Variants in ERBIN observed in about 807,000 individuals in gnomAD.
ERBIN encodes erbb2 interacting protein.
A neutral mutation model predicts 158.4 loss-of-function variants in ERBIN; 60 were observed. The observed-to-expected ratio is 0.38, with a 90% CI of 0.31 to 0.47. The LOEUF is 0.47. ERBIN is among the 20% of genes least tolerant of loss of function. The pLI, the probability that ERBIN is intolerant of heterozygous loss-of-function variation, is 0.99. For missense variants in ERBIN, 1,610 were observed against 1,648.0 expected (o/e 0.98, Z 0.40); for synonymous variants, 594 against 557.2 (o/e 1.07, Z -0.93).
intron 1 of ERBIN, among the ~76,000 whole-genome samples, chr5:65,970,511 ATATATTC>A (rs1444325462): frequency 6.6e-6 from 1 of 152,196 alleles, no homozygotes; most frequent in African/African-American, 2.4e-5. Flanking sequence ...ACTTTGGTTT[ATATATTC>A]TATTCTGTCC....
At chr5:65,986,203 CT>C (rs1473236561) in intron 1 of ERBIN, among the ~76,000 whole-genome samples, 2 of 152,204 alleles carry the variant, frequency 1.3e-5, no homozygotes, top group Non-Finnish European at 2.9e-5. Context: ...CTCTGAATGC[CT>C]ATATCCAGCT....
intron 1 of ERBIN, among the ~76,000 whole-genome samples, chr5:65,950,370 C>T (rs1437692532): frequency 6.6e-6 from 1 of 152,116 alleles, no homozygotes. Flanking sequence ...TTGAAGAGTA[C>T]TGGTTGGATA....
chr5:65,976,836 A>G lies in ERBIN; in HGVS notation c.-57-11799A>G, dbSNP rs1242958102. ...TTCAGAGAGCACAGGGTTGGGGGTA[A>G]GGTCACAGATCAACAGGATCCCAAG... On this transcript the variant is annotated intron_variant, in intron 1 of 25. Transcript: ENST00000284037. 3.3e-5 allele frequency among the ~76,000 whole-genome samples: 5 copies of G among 150,838 alleles called. No individual in the cohort carries two copies. The East Asian group carries it at 9.7e-4, about 29-fold the overall frequency.
chr5:66,069,305 A>G (rs1217199344), intron 21 of ERBIN, among the ~76,000 whole-genome samples: 1 of 152,206 alleles, frequency 6.6e-6, no homozygotes, highest in Non-Finnish European at 1.5e-5. Context: ...TCTTTGTAGT[A>G]TGTTTTCTCT....
chr5:65,983,543 TATACCAA>T, intron 1 of ERBIN, among the ~76,000 whole-genome samples: 2 of 152,276 alleles, frequency 1.3e-5, no homozygotes, highest in South Asian at 4.2e-4. Flanking sequence ...TAAGCACAAA[TATACCAA>T]ATACAGATTA....
In ERBIN at chr5:66,054,868, T is replaced by C. The variant is rs749744460; in HGVS notation, c.3550T>C (p.Leu1184=). The change falls in exon 21 of 26, where the codon TTA becomes CTA. Residue 1184 remains leucine, a synonymous_variant. Coordinates refer to ENST00000284037, the MANE Select transcript of ERBIN (RefSeq NM_001253697.2). The stretch of plus-strand genomic sequence containing the variant: ...AAGGGTTGGTTCTGAGCATTCTTTA[T>C]TAGATCCTCCAGGAAAAAGTAAAGT... The part of the protein sequence containing the change: ...NARVGSEHSL[L]DPPGKSKVPR... 1.9e-6 allele frequency: 3 copies of C among 1,614,082 alleles called. No homozygotes were observed. Among genetic ancestry groups the C allele is most frequent in the South Asian group, 2.2e-5 (2 of 91,082 alleles).
chr5:66,007,649 A>T (rs1345213474), intron 4 of ERBIN, among the ~76,000 whole-genome samples: 1 of 152,096 alleles, frequency 6.6e-6, no homozygotes, highest in Non-Finnish European at 1.5e-5. Context: ...CTAATGGGGG[A>T]GAAGCTAGTC....
In ERBIN at chr5:66,080,233, A is replaced by G. The variant is rs1762324586; in HGVS notation, c.*1703A>G. ...CTTTCCATTCTTGCTAGTCAGAGTAAGTAGGCAGCACTTTTAAAAATATGT... is the reference window on the plus strand; with the variant it reads ...CTTTCCATTCTTGCTAGTCAGAGTAGGTAGGCAGCACTTTTAAAAATATGT... On this transcript the variant is annotated 3_prime_UTR_variant, in exon 26 of 26. Transcript: ENST00000284037. 6.6e-6 allele frequency: 1 copy of G among 152,612 alleles called. No individual in the cohort carries two copies. Among genetic ancestry groups the G allele is most frequent in the South Asian group, 2.1e-4 (1 of 4,834 alleles). The allele number at this position is 152,612 out of a possible 1,614,324, so 9.5% of individuals were successfully genotyped here.
In ERBIN at chr5:66,044,220, A is replaced by G. The variant is rs1332563260; in HGVS notation, c.1512A>G (p.Arg504=). The change falls in exon 17 of 26, where the codon AGA becomes AGG. Residue 504 remains arginine, a synonymous_variant. Transcript: ENST00000284037. ...MVKTVQTIVH[R]LKDEETNEDS... ...AAACTGTTCAAACCATTGTACATAG[A>G]TTAAAAGATGAAGAGACCAATGAAG... 6.2e-7 allele frequency: 1 copy of G among 1,612,654 alleles called. No homozygotes were observed. The highest frequency in any genetic ancestry group is 8.5e-7 in the Non-Finnish European group (1 of 1,179,366).
chr5:66,038,557 C>A, intron 15 of ERBIN, 75 bp downstream of exon 15: 1 of 1,134,780 alleles, frequency 8.8e-7, no homozygotes, highest in Admixed American at 2.3e-5. Context: ...CTTTAAGTCT[C>A]AGAGACTTTT....
At chr5:65,940,516 T>TGG (rs1336518819) in intron 1 of ERBIN, among the ~76,000 whole-genome samples, 16 of 42,296 alleles carry the variant, frequency 3.8e-4, no homozygotes, top group African/African-American at 1.8e-3. Context: ...GGGAGGGAGG[T>TGG]GGGGGGGGTC....
chr5:66,054,156 T>C lies in ERBIN; in HGVS notation c.2838T>C (p.Phe946=). 1 of 1,614,182 alleles carries C rather than the reference T, an allele frequency of 6.2e-7. No homozygotes were observed. Among genetic ancestry groups the C allele is most frequent in the Non-Finnish European group, 8.5e-7 (1 of 1,180,040 alleles). ...LISGTKAIFK[F]DSNHNPEEPN... ...CAGGAACAAAGGCAATTTTCAAGTT[T>C]GATTCAAATCATAATCCCGAAGAGC... is the stretch of plus-strand genomic sequence containing the variant. Residue 946 remains phenylalanine (F), a synonymous_variant, in exon 21 of 26, where the codon TTT becomes TTC. Transcript: ENST00000284037.
intron 15 of ERBIN, among the ~76,000 whole-genome samples, chr5:66,040,742 CTTAA>C (rs1340574721): frequency 3.3e-5 from 5 of 151,536 alleles, no homozygotes; most frequent in African/African-American, 4.8e-5. Flanking sequence ...ACTGTTCACA[CTTAA>C]TTAATTCTAT....
chr5:65,973,305 TGAC>T (rs879683448), intron 1 of ERBIN, among the ~76,000 whole-genome samples: 29 of 150,886 alleles, frequency 1.9e-4, no homozygotes, highest in Non-Finnish European at 3.7e-4. Flanking sequence ...CCAATGTAAA[TGAC>T]GAGTTAATGG....
chr5:65,948,042 A>G (rs1316317373), intron 1 of ERBIN, among the ~76,000 whole-genome samples: 5 of 151,740 alleles, frequency 3.3e-5, no homozygotes, highest in African/African-American at 1.2e-4. Flanking sequence ...AATAATTTCT[A>G]ATGTGCACAT....
chr5:66,034,833 G>C (rs781073543), intron 14 of ERBIN, among the ~76,000 whole-genome samples: 9 of 152,122 alleles, frequency 5.9e-5, no homozygotes, highest in Non-Finnish European at 1.3e-4. Flanking sequence ...GCCAAGACAG[G>C]TGCAAGAAAA....
chr5:66,049,861 T>A lies in ERBIN; in HGVS notation c.1904-922T>A, dbSNP rs573421263. 3.9e-5 allele frequency among the ~76,000 whole-genome samples: 6 copies of A among 152,234 alleles called. No individual in the cohort carries two copies. In the East Asian group the frequency reaches 1.2e-3, roughly 29 times the overall value. On this transcript the variant is annotated intron_variant, in intron 19 of 25. Coordinates refer to ENST00000284037, the MANE Select transcript of ERBIN (RefSeq NM_001253697.2). ...ACCTATTATAGAATATGAACACTTG[T>A]CTGTTTCTGTTCATGTAATTGCTAC... is the stretch of plus-strand genomic sequence containing the variant.
chr5:65,936,500 G>A (rs766084314), intron 1 of ERBIN, among the ~76,000 whole-genome samples: 6 of 152,196 alleles, frequency 3.9e-5, no homozygotes, highest in African/African-American at 7.2e-5. Context: ...TTGATTTGTC[G>A]TGGATACCTG....
chr5:66,058,430 T>C (rs1166760107), intron 21 of ERBIN, among the ~76,000 whole-genome samples: 2 of 152,058 alleles, frequency 1.3e-5, no homozygotes, highest in Non-Finnish European at 2.9e-5. Flanking sequence ...AGATTCTGGA[T>C]ATTAGCCCTT....
Sources: gnomAD v4.1 joint callset for allele counts (sites outside exome capture counted in the v4.1 genomes callset) on GRCh38, gnomAD v4.1.1 for gene constraint, MANE v1.5 for transcripts, NCBI Gene and HGNC (gene_info 2026-07-23, HGNC 2026-07-21) for gene names.